Variants in IQUB observed in about 807,000 individuals in gnomAD.
IQUB encodes IQ motif and ubiquitin domain containing, also known as IQ motif and ubiquitin-like domain-containing protein.
IQUB carries 86 observed loss-of-function variants against 86.4 expected under a neutral mutation model. The ratio of observed to expected loss-of-function variants is 1.00; its 90% CI spans 0.84 to 1.19. The LOEUF (loss-of-function observed/expected upper bound fraction) is 1.19, where lower values mean the gene tolerates loss of function less well. IQUB is among the 50% of genes most tolerant of loss of function. IQUB has a pLI of 0.00. For synonymous variants in IQUB, 289 were observed against 304.5 expected (o/e 0.95, Z 0.53); for missense variants, 946 against 916.9 (o/e 1.03, Z -0.41).
At chr7:123,514,549 A>G (rs2117278050) in intron 1 of IQUB, among the ~76,000 whole-genome samples, 1 of 152,296 alleles carries the variant, frequency 6.6e-6, no homozygotes, top group South Asian at 2.1e-4. Context: ...TTGAGAAGGG[A>G]AAAAAACAGA....
At chr7:123,497,579 G>A (rs1193824317) in intron 6 of IQUB, among the ~76,000 whole-genome samples, 1 of 151,648 alleles carries the variant, frequency 6.6e-6, no homozygotes, top group East Asian at 1.9e-4. Flanking sequence ...AGCTGAGAGA[G>A]TTTATCATTT....
Position 123,452,639 on chromosome 7 carries a change from A to G in IQUB, c.*104T>C, listed in dbSNP as rs377451396. 1 of 671,054 alleles carries G rather than the reference A, an allele frequency of 1.5e-6. No individual in the cohort carries two copies. Among genetic ancestry groups the G allele is most frequent in the Admixed American group, 3.8e-5 (1 of 26,568 alleles). The allele number at this position is 671,054 out of a possible 1,614,324, so 41.6% of individuals were successfully genotyped here. On this transcript the variant is annotated 3_prime_UTR_variant, in exon 13 of 13. Coordinates refer to ENST00000324698, the MANE Select transcript of IQUB (RefSeq NM_178827.5). The stretch of plus-strand genomic sequence containing the variant: ...AAATACTATGAAAAACAAAAAACAA[A>G]ATCAATAAACAGATTAAATTCCATT...
intron 7 of IQUB, among the ~76,000 whole-genome samples, chr7:123,492,619 G>A (rs1459763495): frequency 6.6e-6 from 1 of 152,184 alleles, no homozygotes; most frequent in Non-Finnish European, 1.5e-5. Context: ...CCTGAGCGGG[G>A]AAAGGGTAGA....
chr7:123,467,508 G>A (rs1395131600), intron 9 of IQUB, among the ~76,000 whole-genome samples: 2 of 152,126 alleles, frequency 1.3e-5, no homozygotes, highest in African/African-American at 4.8e-5. Context: ...TAATTGTTGT[G>A]GCAGTATAAA....
At chr7:123,489,625 G>A (rs987624888) in intron 7 of IQUB, among the ~76,000 whole-genome samples, 1 of 151,354 alleles carries the variant, frequency 6.6e-6, no homozygotes, top group Non-Finnish European at 1.5e-5. Context: ...TTAAAACTTA[G>A]GAAATAGGTT....
chr7:123,526,599 C>T (rs541565626), intron 1 of IQUB, among the ~76,000 whole-genome samples: 97 of 151,094 alleles, frequency 6.4e-4, no homozygotes, highest in African/African-American at 1.9e-3. Flanking sequence ...TGTCTCTGCA[C>T]GTGAGATGGG....
intron 7 of IQUB, among the ~76,000 whole-genome samples, chr7:123,484,176 A>G (rs1214563858): frequency 6.6e-6 from 1 of 152,058 alleles, no homozygotes; most frequent in Non-Finnish European, 1.5e-5. Flanking sequence ...ACTGTACAGC[A>G]TGGTCTGTCC....
At chr7:123,472,271 G>T (rs971665091) in intron 8 of IQUB, among the ~76,000 whole-genome samples, 2 of 151,524 alleles carry the variant, frequency 1.3e-5, no homozygotes, top group Admixed American at 6.6e-5. Flanking sequence ...GAAAAGGAAA[G>T]AAATAAAGAA....
At chr7:123,469,684 C>A (rs528111661) in intron 8 of IQUB, among the ~76,000 whole-genome samples, 44 of 152,096 alleles carry the variant, frequency 2.9e-4, no homozygotes, top group Non-Finnish European at 6.2e-4. Flanking sequence ...TACTCATTAA[C>A]CCCATGAGGA....
intron 1 of IQUB, among the ~76,000 whole-genome samples, chr7:123,516,500 G>A (rs1269321072): frequency 1.3e-5 from 2 of 152,130 alleles, no homozygotes; most frequent in Non-Finnish European, 2.9e-5. Flanking sequence ...GAAGAAAGAG[G>A]AAGAGGAGGA....
chr7:123,526,187 G>C (rs570323137), intron 1 of IQUB, among the ~76,000 whole-genome samples: 1 of 151,992 alleles, frequency 6.6e-6, no homozygotes, highest in Non-Finnish European at 1.5e-5. Context: ...TGTTGATTTG[G>C]GGTGTAGAGT....
At chr7:123,527,340 T>C (rs558752805) in intron 1 of IQUB, among the ~76,000 whole-genome samples, 1 of 152,258 alleles carries the variant, frequency 6.6e-6, no homozygotes, top group African/African-American at 2.4e-5. Context: ...CCATCCAGCT[T>C]TGTTCTGTTG....
rs1403832071 is a variant in IQUB at position 123,479,843 on chromosome 7, A to T, written c.1362T>A (p.Ile454=). 6.2e-7 allele frequency: 1 copy of T among 1,612,926 alleles called. No homozygotes were observed. The highest frequency in any genetic ancestry group is 1.3e-5 in the African/African-American group (1 of 74,856). ...IIASIGRHRY[I]AYMANQEAAI... is the part of the protein sequence containing the mutation. ...CTGCTTCCTGATTTGCCATATAAGC[A>T]ATGTATCTATGTCTCCCAATGGAAG... The change falls in exon 8 of 13, where the codon ATT becomes ATA. Residue 454 remains isoleucine, a synonymous_variant. Transcript: ENST00000324698.
chr7:123,510,119 A>C, intron 2 of IQUB, 84 bp from the exon 3 acceptor site: 1 of 840,084 alleles, frequency 1.2e-6, no homozygotes, highest in Non-Finnish European at 1.8e-6. Context: ...ATACAGAATT[A>C]TGTGTTAATT....
rs1270254855 is a variant in IQUB at position 123,461,523 on chromosome 7, G to C, written c.1841C>G (p.Ser614Cys). 6.2e-7 allele frequency: 1 copy of C among 1,612,008 alleles called. No individual in the cohort carries two copies. Among genetic ancestry groups the C allele is most frequent in the East Asian group, 2.2e-5 (1 of 44,808 alleles). ...CQLYLPSTEF[S>C]VSSTSRRIYR... ...TATGCGGCGTGAGGTGGATGATACA[G>C]AAAATTCTGTAGAAGGCAAATAAAG... Residue 614 changes from serine (S) to cysteine (C), a missense_variant, in exon 11 of 13, where the codon TCT becomes TGT. Ser to Cys is a moderately radical substitution (Grantham distance 112). Coordinates refer to ENST00000324698, the MANE Select transcript of IQUB (RefSeq NM_178827.5).
chr7:123,495,134 A>C (rs536880441), intron 7 of IQUB, among the ~76,000 whole-genome samples: 33 of 152,238 alleles, frequency 2.2e-4, no homozygotes, highest in Admixed American at 2.2e-3. Flanking sequence ...AGTGAAGTTT[A>C]AAGTAAAATA....
chr7:123,503,422 T>A, intron 3 of IQUB, 59 bp from the exon 4 acceptor site: 1 of 911,996 alleles, frequency 1.1e-6, no homozygotes, highest in East Asian at 2.5e-5. Context: ...TATTCATTGA[T>A]CTTATTTTTT....
At chr7:123,464,394 A>C (rs1794148579) in intron 10 of IQUB, among the ~76,000 whole-genome samples, 1 of 151,984 alleles carries the variant, frequency 6.6e-6, no homozygotes, top group African/African-American at 2.4e-5. Context: ...AACAAGGTAT[A>C]ACATGGAATC....
intron 7 of IQUB, among the ~76,000 whole-genome samples, chr7:123,482,072 C>T (rs572365129): frequency 1.3e-5 from 2 of 151,676 alleles, no homozygotes; most frequent in African/African-American, 4.8e-5. Flanking sequence ...AAACATAAAA[C>T]TGGGGGGGAG....
Sources: gnomAD v4.1 joint callset for allele counts (sites outside exome capture counted in the v4.1 genomes callset) on GRCh38, gnomAD v4.1.1 for gene constraint, MANE v1.5 for transcripts, NCBI Gene and HGNC (gene_info 2026-07-23, HGNC 2026-07-21) for gene names.